The following SPIRE2 variants were observed in gnomAD, a reference collection of about 807,000 sequenced individuals.
The protein encoded by SPIRE2 is protein spire homolog 2.
In SPIRE2, 76 loss-of-function variants were observed where a neutral mutation model predicts 80.7. The ratio of observed to expected loss-of-function variants is 0.94; its 90% CI spans 0.78 to 1.14. The LOEUF is 1.14. SPIRE2 is among the 50% of genes most tolerant of loss of function. The probability of loss-of-function intolerance (pLI) is 0.00; values close to 1 mark genes in which losing one functional copy is unlikely to be tolerated. For synonymous variants in SPIRE2, 535 were observed against 432.6 expected (o/e 1.24, Z -2.94); for missense variants, 1,196 against 1,015.3 (o/e 1.18, Z -2.42).
chr16:89,854,474 C>T lies in SPIRE2; in HGVS notation c.727-13C>T, dbSNP rs781614307. ...CCTGGGGCTGAGACCCATTCTCTTC[C>T]CCTGGGGCCCAGGCCCGACTGTGGG... On this transcript the variant is annotated splice_polypyrimidine_tract_variant and intron_variant, in intron 4 of 14. Transcript: ENST00000378247. 1.1e-5 allele frequency: 18 copies of T among 1,611,470 alleles called. No individual in the cohort carries two copies. The South Asian group carries it at 1.9e-4, about 17-fold the overall frequency.
chr16:89,854,939 A>ATT (rs59851949), intron 5 of SPIRE2, among the ~76,000 whole-genome samples: 39 of 149,906 alleles, frequency 2.6e-4, no homozygotes, highest in East Asian at 4.0e-4. Context: ...AGGCTGTAGG[A>ATT]TTTTTTTTTT....
intron 1 of SPIRE2, among the ~76,000 whole-genome samples, chr16:89,837,753 TGAG>T (rs1162975840): frequency 1.3e-5 from 2 of 152,078 alleles, no homozygotes; most frequent in Non-Finnish European, 2.9e-5. Context: ...GGGTTCTTGT[TGAG>T]GAGGAGGACG....
In SPIRE2 at chr16:89,859,338, C is replaced by T. The variant is rs371130085; in HGVS notation, c.1446C>T (p.Pro482=). 24 of 1,572,472 alleles carry T rather than the reference C, an allele frequency of 1.5e-5. No individual in the cohort carries two copies. Among genetic ancestry groups the T allele is most frequent in the African/African-American group, 8.1e-5 (6 of 73,796 alleles). The change falls in exon 9 of 15, where the codon CCC becomes CCT. Residue 482 remains proline, a synonymous_variant. Coordinates refer to ENST00000378247, the MANE Select transcript of SPIRE2 (RefSeq NM_032451.2). ...PRAGSAHVWR[P]GSRDQGTCPA... Reference sequence around the variant, plus strand: ...CTGGCAGTGCGCATGTGTGGAGGCCCGGCTCCCGAGACCAGGGCAAGTGCT... The same window carrying T: ...CTGGCAGTGCGCATGTGTGGAGGCCTGGCTCCCGAGACCAGGGCAAGTGCT...
chr16:89,851,919 C>A (rs911025209), intron 3 of SPIRE2, among the ~76,000 whole-genome samples: 1 of 152,058 alleles, frequency 6.6e-6, no homozygotes, highest in Admixed American at 6.5e-5. Flanking sequence ...GCTTCCCGAA[C>A]CCTCTGAGCC....
rs369913039 is a variant in SPIRE2, at chr16:89,850,899, C to T, written c.645+239C>T. 7.2e-5 allele frequency among the ~76,000 whole-genome samples: 11 copies of T among 152,110 alleles called. No homozygotes were observed. The East Asian group carries it at 1.7e-3, about 24-fold the overall frequency. On this transcript the variant is annotated intron_variant, in intron 3 of 14. Coordinates refer to ENST00000378247, the MANE Select transcript of SPIRE2 (RefSeq NM_032451.2). ...CACCCAGGCTGGAGGGGTAGTGGCT[C>T]GATCTCGGCTCACTGCAACCTCCGC...
chr16:89,859,765 C>T lies in SPIRE2; in HGVS notation c.1462+411C>T, dbSNP rs78838464. Among the ~76,000 whole-genome samples, 724 of 152,200 alleles carry T rather than the reference C, an allele frequency of 4.8e-3. 2 individuals carry two copies. Among genetic ancestry groups the T allele is most frequent in the Non-Finnish European group, 6.2e-3 (421 of 68,012 alleles). ...AGCCGTGATTCCTTCGACTCCTTTT[C>T]GCGCTGCTGAGCACAGAACGATTCT... On this transcript the variant is annotated intron_variant, in intron 9 of 14. Coordinates refer to ENST00000378247, the MANE Select transcript of SPIRE2 (RefSeq NM_032451.2).
At position 89,858,407 on chromosome 16, in the gene SPIRE2, T is replaced by A; in HGVS notation, c.1172T>A (p.Leu391Gln). 6.2e-7 allele frequency: 1 copy of A among 1,612,164 alleles called. No individual in the cohort carries two copies. Among genetic ancestry groups the A allele is most frequent in the African/African-American group, 1.3e-5 (1 of 75,056 alleles). Residue 391 changes from leucine (L) to glutamine (Q), a missense_variant, in exon 8 of 15, where the codon CTG becomes CAG. Physicochemically the swap from Leu to Gln is moderately radical, Grantham distance 113 (BLOSUM62 -2). Transcript: ENST00000378247. ...GDAKSTSCIN[L>Q]SVTDAGGSAQ... is the part of the protein sequence containing the mutation. ...GCCAAGTCCACCTCCTGCATCAACCTGTCAGTCACAGATGCTGGGGGCAGC... is the reference window on the plus strand; with the variant it reads ...GCCAAGTCCACCTCCTGCATCAACCAGTCAGTCACAGATGCTGGGGGCAGC...
intron 10 of SPIRE2, 35 bp downstream of exon 10, chr16:89,860,830 C>G (rs776716211): frequency 3.7e-6 from 5 of 1,352,544 alleles, no homozygotes; most frequent in Non-Finnish European, 4.9e-6. Context: ...CAGGGCGGCC[C>G]AGGGGGCGTC....
At chr16:89,836,551 C>A (rs546355937) in intron 1 of SPIRE2, 1 of 215,090 alleles carries the variant, frequency 4.6e-6, no homozygotes, top group East Asian at 1.1e-4. Context: ...ATTAAGCAGA[C>A]ACCAACGTTT....
At chr16:89,832,647 T>C (rs78530336) in intron 1 of SPIRE2, among the ~76,000 whole-genome samples, 9,453 of 152,124 alleles carry the variant, frequency 0.062, 462 homozygotes, top group East Asian at 0.24. Flanking sequence ...GCTCAGGCCC[T>C]GCTTCTATTG....
At chr16:89,843,678 TTTG>T (rs2041526108) in intron 1 of SPIRE2, among the ~76,000 whole-genome samples, 1 of 23,250 alleles carries the variant, frequency 4.3e-5, no homozygotes. Flanking sequence ...TTTTTTTTTT[TTTG>T]TTTGTTTTTG....
Position 89,863,896 on chromosome 16 carries a change from AAGG to A in SPIRE2, c.1778+42_1778+44del, listed in dbSNP as rs1352170872. On this transcript the variant is annotated intron_variant, in intron 12 of 14. Coordinates refer to ENST00000378247, the MANE Select transcript of SPIRE2 (RefSeq NM_032451.2). The surrounding 1 kb of genome is among the most constrained non-coding windows in gnomAD (Gnocchi z 4.3). ...CCCTTTAGCTGTCAGTTCACAAGGGAAGGAGGAGGCGAGAAACCTCGGGGCAGT... is the reference window on the plus strand; with the variant it reads ...CCCTTTAGCTGTCAGTTCACAAGGGAAGGAGGCGAGAAACCTCGGGGCAGT... The A allele has an allele frequency of 6.4e-7, 1 of 1,572,944 alleles. No homozygotes were observed. Among genetic ancestry groups the A allele is most frequent in the African/African-American group, 1.4e-5 (1 of 74,016 alleles).
intron 7 of SPIRE2, 59 bp from the exon 8 acceptor site, chr16:89,858,279 C>T (rs1384132337): frequency 8.1e-6 from 12 of 1,475,730 alleles, no homozygotes; most frequent in Non-Finnish European, 1.1e-5. Context: ...AAGCTGTCAG[C>T]TCCTGCCTGC....
intron 1 of SPIRE2, chr16:89,836,310 G>A: frequency 2.2e-6 from 1 of 453,904 alleles, no homozygotes; most frequent in Non-Finnish European, 4.4e-6. Flanking sequence ...CATGCTCACA[G>A]GTTCTGGGGT....
At position 89,856,128 on chromosome 16, in the gene SPIRE2, C is replaced by T. The variant is rs2041689423; in HGVS notation, c.994C>T (p.Leu332=). ...CCCACCGCAGGTCTCTGAGAGGCGG[C>T]TGCGCCCGTTGCCACCAAAGCAAAG... is the stretch of plus-strand genomic sequence containing the variant. ...PPLKQVSERR[L]RPLPPKQRSL... is the part of the protein sequence containing the mutation. Residue 332 remains leucine, a synonymous_variant, in exon 7 of 15, where the codon CTG becomes TTG. Coordinates refer to ENST00000378247, the MANE Select transcript of SPIRE2 (RefSeq NM_032451.2). The T allele has an allele frequency of 5.6e-6, 9 of 1,611,848 alleles. No homozygotes were observed. In the Middle Eastern group the frequency reaches 7.2e-4, roughly 128 times the overall value.
At chr16:89,861,684 G>A (rs2041745756) in intron 10 of SPIRE2, among the ~76,000 whole-genome samples, 1 of 152,256 alleles carries the variant, frequency 6.6e-6, no homozygotes, top group African/African-American at 2.4e-5. Flanking sequence ...TCGTGAGGCT[G>A]CAGTTAGGAT....
Position 89,859,207 on chromosome 16 carries a change from C to T in SPIRE2, c.1315C>T (p.Arg439Cys), listed in dbSNP as rs575860963. 2.8e-5 allele frequency: 45 copies of T among 1,600,600 alleles called. No homozygotes were observed. The highest frequency in any genetic ancestry group is 6.7e-5 in the African/African-American group (5 of 74,338). Residue 439 changes from arginine (R) to cysteine (C), a missense_variant, in exon 9 of 15, where the codon CGC (arginine) becomes TGC (cysteine). Arg to Cys is a radical substitution (Grantham distance 180). Transcript: ENST00000378247. ...TGGGGAGGTGACGCTGAAACGGGAC[C>T]GCTCCTTCTCAGAGCATGACCTGGC... ...PCGEVTLKRD[R>C]SFSEHDLAQL...
At chr16:89,854,714 C>A in intron 5 of SPIRE2, 63 bp downstream of exon 5, 6 of 1,559,988 alleles carry the variant, frequency 3.8e-6, no homozygotes, top group Non-Finnish European at 5.2e-6. Flanking sequence ...GGGGCGGACG[C>A]AGATGAGCAG....
chr16:89,857,065 C>CA (rs149681607), intron 7 of SPIRE2, among the ~76,000 whole-genome samples: 8,453 of 90,318 alleles, frequency 0.094, 426 homozygotes, highest in East Asian at 0.32. Flanking sequence ...GACCTCGTTT[C>CA]AAAAAAAAAA....
Sources: allele counts gnomAD v4.1 joint callset (sites outside exome capture counted in the v4.1 genomes callset), GRCh38; gene constraint gnomAD v4.1.1; non-coding constraint Gnocchi (gnomAD v3.1); transcripts MANE v1.5; gene names NCBI Gene and HGNC (gene_info 2026-07-23, HGNC 2026-07-21).